SLC38A4: variants seen among roughly 807,000 people sequenced by gnomAD.
SLC38A4 encodes solute carrier family 38 member 4, also known as sodium-coupled neutral amino acid transporter 4.
Under a neutral mutation model 63.1 loss-of-function variants are expected in SLC38A4, and 20 were observed. That is an observed-to-expected ratio of 0.32 (90% confidence interval 0.22 to 0.46). The LOEUF is 0.46. Among genes scored for constraint, SLC38A4 ranks in the 20% least tolerant of loss-of-function variants. SLC38A4 has a pLI of 1.00. For missense variants in SLC38A4, 526 were observed against 663.6 expected (o/e 0.79, Z 2.28); for synonymous variants, 230 against 225.5 (o/e 1.02, Z -0.18).
At chr12:46,768,957 C>G (rs1394174405) in intron 15 of SLC38A4, among the ~76,000 whole-genome samples, 1 of 152,126 alleles carries the variant, frequency 6.6e-6, no homozygotes, top group Non-Finnish European at 1.5e-5. Context: ...CAGGTAAAAT[C>G]TATCTTCCTC....
chr12:46,779,228 C>T (rs890751936), intron 10 of SLC38A4, among the ~76,000 whole-genome samples: 11 of 152,068 alleles, frequency 7.2e-5, no homozygotes, highest in Middle Eastern at 6.8e-3. Flanking sequence ...TTCTTGTCCT[C>T]TCTTAATGGG....
chr12:46,807,039 A>C (rs1939247802), intron 1 of SLC38A4, among the ~76,000 whole-genome samples: 1 of 152,036 alleles, frequency 6.6e-6, no homozygotes, highest in Admixed American at 6.6e-5. Flanking sequence ...TTGCAACGAC[A>C]GTGGGAGAGA....
intron 1 of SLC38A4, among the ~76,000 whole-genome samples, chr12:46,814,932 G>A (rs188633977): frequency 1.1e-4 from 16 of 151,784 alleles, no homozygotes. Context: ...AAAAGGCTGT[G>A]GTGTCAAATA....
At chr12:46,785,738 C>CCTTTTTTTTTTTTTTTTTTTTTTTTT (rs1489385010) in intron 5 of SLC38A4, among the ~76,000 whole-genome samples, 2 of 66,902 alleles carry the variant, frequency 3.0e-5, no homozygotes, top group Non-Finnish European at 5.9e-5. Context: ...ACGAAAATTC[C>CCTTTTTTTTTTTTTTTTTTTTTTTTT]TTTTTTTTTT....
intron 1 of SLC38A4, among the ~76,000 whole-genome samples, chr12:46,820,203 T>TA (rs1219973596): frequency 6.6e-6 from 1 of 151,942 alleles, no homozygotes; most frequent in African/African-American, 2.4e-5. Flanking sequence ...TAAGAACACT[T>TA]AACATGAAAT....
upstream of SLC38A4, among the ~76,000 whole-genome samples, chr12:46,827,617 T>C (rs531848999): frequency 1.3e-5 from 2 of 152,172 alleles, no homozygotes; most frequent in East Asian, 1.9e-4. Flanking sequence ...AAATGAAAAA[T>C]ATAGCCATTA....
intron 1 of SLC38A4, among the ~76,000 whole-genome samples, chr12:46,808,916 A>G (rs928216581): frequency 5.9e-5 from 9 of 152,034 alleles, no homozygotes; most frequent in Non-Finnish European, 1.3e-4. Context: ...CTTCATACAG[A>G]ATACATATTA....
At chr12:46,827,784 A>G (rs566431712), upstream of SLC38A4, among the ~76,000 whole-genome samples, 26 of 152,150 alleles carry the variant, frequency 1.7e-4, no homozygotes, top group African/African-American at 6.3e-4. Context: ...TTTTCCCTCA[A>G]ATGGAAAGAT....
chr12:46,803,509 T>A (rs918242066), intron 2 of SLC38A4, 94 bp downstream of exon 2: 4 of 152,006 alleles, frequency 2.6e-5, no homozygotes, highest in East Asian at 3.9e-4. Flanking sequence ...TTTTCAAACA[T>A]TTTAATTTTT....
rs372837795 is a variant in SLC38A4, at chr12:46,778,547, T to G, written c.947A>C (p.His316Pro). The G allele has an allele frequency of 3.8e-5, 61 of 1,612,880 alleles. No individual in the cohort carries two copies. Among genetic ancestry groups the G allele is most frequent in the Non-Finnish European group, 4.9e-5 (58 of 1,179,342 alleles). Reference protein sequence around the residue: ...LHDSGVEYEAHSDDKCEPKYF... With the variant: ...LHDSGVEYEAPSDDKCEPKYF... ...TTTGGGTTCACACTTGTCATCACTA[T>G]GAGCTTCATATTCTACTCCACTGTC... Residue 316 changes from histidine (H) to proline (P), a missense_variant, in exon 11 of 17, where the codon CAT becomes CCT. Physicochemically the swap from His to Pro is moderately conservative, Grantham distance 77. Transcript: ENST00000266579.
At chr12:46,781,285 G>C (rs980449698) in intron 7 of SLC38A4, among the ~76,000 whole-genome samples, 7 of 152,038 alleles carry the variant, frequency 4.6e-5, no homozygotes, top group Non-Finnish European at 8.8e-5. Flanking sequence ...AAAGTGAAAT[G>C]ATTTTTACAA....
Position 46,766,450 on chromosome 12 carries a change from T to A in SLC38A4, c.*251A>T, listed in dbSNP as rs2120726485. ...AAGCAGCAAAAATACACCTTCATCATCTCACACTGCTCTAGCAAAACCTGG... is the reference window on the plus strand; with the variant it reads ...AAGCAGCAAAAATACACCTTCATCAACTCACACTGCTCTAGCAAAACCTGG... On this transcript the variant is annotated 3_prime_UTR_variant, in exon 17 of 17. Transcript: ENST00000266579. 1 of 596,490 alleles carries A rather than the reference T, an allele frequency of 1.7e-6. No homozygotes were observed. Among genetic ancestry groups the A allele is most frequent in the East Asian group, 3.6e-5 (1 of 27,550 alleles). The allele number at this position is 596,490 out of a possible 1,614,324, so 36.9% of individuals were successfully genotyped here.
chr12:46,767,624 G>T (rs1211423595), intron 16 of SLC38A4, among the ~76,000 whole-genome samples: 1 of 152,070 alleles, frequency 6.6e-6, no homozygotes, highest in Non-Finnish European at 1.5e-5. Context: ...AAAGGTAAAT[G>T]ACTTCAAGGT....
upstream of SLC38A4, among the ~76,000 whole-genome samples, chr12:46,826,352 A>G (rs1003886793): frequency 1.3e-5 from 2 of 152,202 alleles, no homozygotes; most frequent in African/African-American, 4.8e-5. Flanking sequence ...TCACTGGACC[A>G]AAACATGGAA....
chr12:46,831,417 C>T (rs768224204), intron 1 of SLC38A4, among the ~76,000 whole-genome samples: 157 of 152,256 alleles, frequency 1.0e-3, no homozygotes, highest in Non-Finnish European at 5.0e-4. Context: ...GCCCCTCCTC[C>T]CTAGGCTTCT....
At chr12:46,794,326 G>C (rs1938956431) in intron 2 of SLC38A4, among the ~76,000 whole-genome samples, 1 of 152,066 alleles carries the variant, frequency 6.6e-6, no homozygotes, top group Non-Finnish European at 1.5e-5. Context: ...AAACTCACTA[G>C]CAAGAGTGCC....
At chr12:46,777,657 C>T (rs180423) in intron 12 of SLC38A4, among the ~76,000 whole-genome samples, 52,793 of 151,730 alleles carry the variant, frequency 0.35, 9,930 homozygotes, top group Middle Eastern at 0.56. Context: ...TTATATAATA[C>T]CCTCCCTTAA....
chr12:46,766,940 A>G (rs1213703293), intron 16 of SLC38A4, 138 bp from the exon 17 acceptor site: 1 of 586,974 alleles, frequency 1.7e-6, no homozygotes, highest in Non-Finnish European at 3.0e-6. Flanking sequence ...CCCAGGCCTA[A>G]CCTATCAGTC....
Position 46,778,279 on chromosome 12 carries a change from G to C in SLC38A4, c.1073+10C>G, listed in dbSNP as rs751410854. On this transcript the variant is annotated intron_variant, in intron 12 of 16. Transcript: ENST00000266579. Reference sequence around the variant, plus strand: ...AGCAAATTAGAATGCTAAAATGATGGCTGCCTTACTCTTTAAGTTCACTGT... The same window carrying C: ...AGCAAATTAGAATGCTAAAATGATGCCTGCCTTACTCTTTAAGTTCACTGT... 2 of 1,610,916 alleles carry C rather than the reference G, an allele frequency of 1.2e-6. No homozygotes were observed. The highest frequency in any genetic ancestry group is 1.7e-6 in the Non-Finnish European group (2 of 1,178,066).
Sources: allele counts gnomAD v4.1 joint callset (sites outside exome capture counted in the v4.1 genomes callset), GRCh38; gene constraint gnomAD v4.1.1; transcripts MANE v1.5; gene names NCBI Gene and HGNC (gene_info 2026-07-23, HGNC 2026-07-21).